SNTB1: variants seen among roughly 807,000 people sequenced by gnomAD.
SNTB1 encodes the protein syntrophin beta 1, also known as beta-1-syntrophin.
A neutral mutation model predicts 48.9 loss-of-function variants in SNTB1; 36 were observed. The observed-to-expected ratio is 0.74, with a 90% confidence interval of 0.56 to 0.97. The LOEUF (loss-of-function observed/expected upper bound fraction) is 0.97. Ranked by LOEUF, SNTB1 falls within the 50% of genes least tolerant of loss-of-function variation. The pLI, the probability that SNTB1 is intolerant of heterozygous loss-of-function variation, is 0.00. For synonymous variants in SNTB1, 299 were observed against 294.6 expected (o/e 1.01, Z -0.15); for missense variants, 786 against 703.4 (o/e 1.12, Z -1.33).
intron 5 of SNTB1, among the ~76,000 whole-genome samples, chr8:120,544,414 T>C (rs1815343373): frequency 6.6e-6 from 1 of 152,180 alleles, no homozygotes; most frequent in Non-Finnish European, 1.5e-5. Flanking sequence ...GAAGCCCTGA[T>C]TAAAACATAG....
At chr8:120,686,827 T>C (rs1454884180) in intron 2 of SNTB1, among the ~76,000 whole-genome samples, 1 of 152,194 alleles carries the variant, frequency 6.6e-6, no homozygotes. Flanking sequence ...CATATACATA[T>C]ACTTTATATA....
chr8:120,629,764 T>C (rs1014521890), intron 3 of SNTB1, among the ~76,000 whole-genome samples: 3 of 152,224 alleles, frequency 2.0e-5, no homozygotes, highest in Non-Finnish European at 2.9e-5. Flanking sequence ...TTCTCATAAT[T>C]ATCCATGATC....
Position 120,537,409 on chromosome 8 carries a change from T to C in SNTB1, c.*1468A>G, listed in dbSNP as rs1034001700. On this transcript the variant is annotated 3_prime_UTR_variant, in exon 7 of 7. Coordinates refer to ENST00000517992, the MANE Select transcript of SNTB1 (RefSeq NM_021021.4). ...GCCCCTTGGAACTAGCGTCATATGA[T>C]ATATTCTTTGGGGAAATGCTGATTT... The C allele has an allele frequency of 7.2e-5, 11 of 152,192 alleles. No homozygotes were observed. Among genetic ancestry groups the C allele is most frequent in the African/African-American group, 2.4e-4 (10 of 41,460 alleles). The allele number at this position is 152,192 out of a possible 1,614,324, so 9.4% of individuals were successfully genotyped here.
intron 2 of SNTB1, among the ~76,000 whole-genome samples, chr8:120,650,591 C>T (rs1193570563): frequency 1.3e-5 from 2 of 152,168 alleles, no homozygotes; most frequent in Non-Finnish European, 2.9e-5. Flanking sequence ...TGAAGTCCTT[C>T]AAATCCCTGG....
At position 120,764,160 on chromosome 8, in the gene SNTB1, G is replaced by C. The variant is rs549432988; in HGVS notation, c.571+47113C>G. 2.6e-4 allele frequency among the ~76,000 whole-genome samples: 39 copies of C among 152,158 alleles called. 1 individual carries two copies. In the East Asian group the frequency reaches 7.3e-3, roughly 29 times the overall value. On this transcript the variant is annotated intron_variant, in intron 1 of 6. Coordinates refer to ENST00000517992, the MANE Select transcript of SNTB1 (RefSeq NM_021021.4). Reference sequence around the variant, plus strand: ...GTCTTACTTATAGCGCAAAATATTGGACTCTACAAAATGTTCAGCCAAATA... The same window carrying C: ...GTCTTACTTATAGCGCAAAATATTGCACTCTACAAAATGTTCAGCCAAATA...
chr8:120,644,680 T>C (rs968996690), intron 2 of SNTB1, among the ~76,000 whole-genome samples: 6 of 151,972 alleles, frequency 3.9e-5, no homozygotes, highest in Admixed American at 3.9e-4. Context: ...ATATACCCAG[T>C]AATGGGATGG....
At chr8:120,655,868 T>G (rs1040148957) in intron 2 of SNTB1, among the ~76,000 whole-genome samples, 1 of 152,150 alleles carries the variant, frequency 6.6e-6, no homozygotes, top group Non-Finnish European at 1.5e-5. Flanking sequence ...ATGCATAGAC[T>G]CCATCATCTG....
At chr8:120,550,005 T>C (rs1410846540) in intron 4 of SNTB1, among the ~76,000 whole-genome samples, 2 of 152,164 alleles carry the variant, frequency 1.3e-5, no homozygotes, top group East Asian at 3.8e-4. Flanking sequence ...TACCCCTAGA[T>C]AAAAATTGCA....
intron 1 of SNTB1, among the ~76,000 whole-genome samples, chr8:120,696,346 T>G (rs1818209739): frequency 6.6e-6 from 1 of 152,184 alleles, no homozygotes; most frequent in South Asian, 2.1e-4. Context: ...TAATCCTTCC[T>G]TTACGTAACA....
intron 4 of SNTB1, among the ~76,000 whole-genome samples, chr8:120,566,405 C>T (rs748238524): frequency 6.6e-6 from 1 of 151,232 alleles, no homozygotes; most frequent in Non-Finnish European, 1.5e-5. Context: ...CTTCCACCCA[C>T]GTGAGAACAC....
At position 120,811,523 on chromosome 8, in the gene SNTB1, C is replaced by A. The variant is rs139846471; in HGVS notation, c.321G>T (p.Ser107=). The change falls in exon 1 of 7, where the codon TCG becomes TCT. Residue 107 remains serine, a synonymous_variant. Transcript: ENST00000517992. ...GCACCTTCACGCCACGCTTCTGGTTCGAGATGGACTCGGGCACCTGCTCGG... is the reference window on the plus strand; with the variant it reads ...GCACCTTCACGCCACGCTTCTGGTTAGAGATGGACTCGGGCACCTGCTCGG... ...DLPEQVPESI[S]NQKRGVKVLK... 682 of 1,612,334 alleles carry A rather than the reference C, an allele frequency of 4.2e-4. 6 individuals are homozygous for A. In the African/African-American group the frequency reaches 7.7e-3, roughly 18 times the overall value.
At chr8:120,714,541 C>T (rs971983368) in intron 1 of SNTB1, among the ~76,000 whole-genome samples, 1 of 151,054 alleles carries the variant, frequency 6.6e-6, no homozygotes, top group Non-Finnish European at 1.5e-5. Context: ...CAAATCTAGA[C>T]AGGAAGCAGG....
At chr8:120,627,033 G>A (rs1816895324) in intron 3 of SNTB1, among the ~76,000 whole-genome samples, 1 of 152,160 alleles carries the variant, frequency 6.6e-6, no homozygotes, top group South Asian at 2.1e-4. Context: ...TTTGTCACTG[G>A]GAGACAGGGA....
chr8:120,803,192 A>C (rs903091224), intron 1 of SNTB1, among the ~76,000 whole-genome samples: 1 of 152,184 alleles, frequency 6.6e-6, no homozygotes, highest in African/African-American at 2.4e-5. Flanking sequence ...GTAGTCGTTT[A>C]TAAAAAAGTA....
rs759220166 is a variant in SNTB1 at position 120,538,723 on chromosome 8, G to A, written c.*154C>T. 2 of 720,032 alleles carry A rather than the reference G, an allele frequency of 2.8e-6. No individual in the cohort carries two copies. Among genetic ancestry groups the A allele is most frequent in the South Asian group, 2.9e-5 (2 of 68,356 alleles). The allele number at this position is 720,032 out of a possible 1,614,324, so 44.6% of individuals were successfully genotyped here. A position where few individuals can be genotyped will look rare whatever the true frequency, so the allele number is the denominator to read the frequency against. On this transcript the variant is annotated 3_prime_UTR_variant, in exon 7 of 7. Coordinates refer to ENST00000517992, the MANE Select transcript of SNTB1 (RefSeq NM_021021.4). ...TCCCTTGTAGTTGCTGAAACTGACA[G>A]AGGAGTCTGGGACAGTTACATACGA...
At chr8:120,620,443 C>A (rs895768468) in intron 3 of SNTB1, among the ~76,000 whole-genome samples, 3 of 152,126 alleles carry the variant, frequency 2.0e-5, no homozygotes, top group Non-Finnish European at 4.4e-5. Context: ...CCAGGTAGGT[C>A]TCCATGCAAA....
chr8:120,767,337 G>A (rs546893550), intron 1 of SNTB1, among the ~76,000 whole-genome samples: 88 of 152,118 alleles, frequency 5.8e-4, no homozygotes, highest in African/African-American at 2.1e-3. Flanking sequence ...GCATTGGGTG[G>A]GAAGCTGAAA....
At chr8:120,775,707 C>CAAGGAAGGAAGGAAGGAAGGAAGG (rs371412589) in intron 1 of SNTB1, among the ~76,000 whole-genome samples, 47 of 114,460 alleles carry the variant, frequency 4.1e-4, no homozygotes, top group Non-Finnish European at 6.9e-4. Context: ...GGGAAGGAGA[C>CAAGGAAGGAAGGAAGGAAGGAAGG]AAGGAAGGAA....
In SNTB1 at chr8:120,612,947, T is replaced by A. The variant is rs1267849649; in HGVS notation, c.996+19497A>T. On this transcript the variant is annotated intron_variant, in intron 3 of 6. Transcript: ENST00000517992. ...TAGCTATTTTGAAATATATAATATA[T>A]TGTTAACTATAGTCACTCAGATGGA... is the stretch of plus-strand genomic sequence containing the variant. 2.6e-5 allele frequency among the ~76,000 whole-genome samples: 4 copies of A among 152,206 alleles called. No homozygotes were observed. The East Asian group carries it at 7.7e-4, about 29-fold the overall frequency.
Sources: allele counts gnomAD v4.1 joint callset (sites outside exome capture counted in the v4.1 genomes callset), GRCh38; gene constraint gnomAD v4.1.1; transcripts MANE v1.5; gene names NCBI Gene and HGNC (gene_info 2026-07-23, HGNC 2026-07-21).